Variants in BTD observed in about 807,000 individuals in gnomAD.
BTD encodes the protein biotinidase, also known as biocytinase.
In BTD, 13 loss-of-function variants were observed where a neutral mutation model predicts 17.7. The observed-to-expected ratio is 0.74, with a 90% CI of 0.48 to 1.17. BTD has a LOEUF of 1.17. BTD is among the 50% of genes most tolerant of loss of function. BTD has a pLI of 0.00. For synonymous variants in BTD, 240 were observed against 245.2 expected, an observed-to-expected ratio of 0.98 and a Z score of 0.20; for missense variants, 674 against 650.4, an observed-to-expected ratio of 1.04 and a Z score of -0.39.
At chr3:15,631,919 G>A (rs2065218717) in intron 1 of BTD, among the ~76,000 whole-genome samples, 2 of 152,172 alleles carry the variant, frequency 1.3e-5, no homozygotes, top group African/African-American at 4.8e-5. Context: ...GACAAATGCA[G>A]GGGGATGTTA....
chr3:15,608,230 G>A (rs1032887552), intron 1 of BTD, among the ~76,000 whole-genome samples: 1 of 152,354 alleles, frequency 6.6e-6, no homozygotes, highest in East Asian at 1.9e-4. Context: ...TGGAACTGGA[G>A]AAGGGAGTGC....
At chr3:15,628,153 C>T (rs1318502751) in intron 1 of BTD, among the ~76,000 whole-genome samples, 3 of 152,210 alleles carry the variant, frequency 2.0e-5, no homozygotes, top group Admixed American at 1.3e-4. Flanking sequence ...GAGATGAGCA[C>T]AAGGGTAATG....
chr3:15,655,674 A>G (rs1166482795), downstream of BTD, among the ~76,000 whole-genome samples: 3 of 152,252 alleles, frequency 2.0e-5, no homozygotes, highest in Non-Finnish European at 4.4e-5. Flanking sequence ...AGAGGGGACT[A>G]CATGAGATGA....
At chr3:15,664,797 A>AT (rs533617837) in intron 3 of BTD, among the ~76,000 whole-genome samples, 5 of 152,236 alleles carry the variant, frequency 3.3e-5, no homozygotes, top group Admixed American at 1.3e-4. Flanking sequence ...TTAAATTACT[A>AT]TTTTTTTCAA....
intron 2 of BTD, among the ~76,000 whole-genome samples, chr3:15,640,041 T>C (rs549730796): frequency 6.6e-6 from 1 of 152,006 alleles, no homozygotes; most frequent in South Asian, 2.1e-4. Context: ...GAGGCGGAGA[T>C]TGCAGTGAGC....
rs2125817545 is a variant in BTD at position 15,689,863 on chromosome 3, T to C, written c.400-20197T>C. 3.1e-6 allele frequency: 2 copies of C among 647,470 alleles called. 1 individual carries two copies. Among genetic ancestry groups the C allele is most frequent in the Middle Eastern group, 8.6e-4 (2 of 2,336 alleles). 40.1% of individuals were successfully genotyped at this position (647,470 alleles called of 1,614,324 possible). On this transcript the variant is annotated intron_variant, in intron 3 of 3. Coordinates refer to the BTD transcript ENST00000672141. ...GGCTTTGTAAATTCATTTGTGTGAA[T>C]AAAGTTATTTGGTGAGGTCAAATAA...
At chr3:15,630,940 C>T (rs1423125836) in intron 1 of BTD, among the ~76,000 whole-genome samples, 1 of 152,078 alleles carries the variant, frequency 6.6e-6, no homozygotes, top group African/African-American at 2.4e-5. Flanking sequence ...GACCAGCACA[C>T]TCAGATGTGA....
intron 3 of BTD, chr3:15,689,914 A>G: frequency 9.3e-7 from 1 of 1,076,606 alleles, no homozygotes; most frequent in Non-Finnish European, 1.3e-6. Flanking sequence ...AAAAAAAAAA[A>G]GGTCAAAATT....
exon 4 of BTD, among the ~76,000 whole-genome samples, chr3:15,711,844 G>C (rs1049113126): frequency 2.0e-5 from 3 of 146,622 alleles, no homozygotes; most frequent in African/African-American, 7.3e-5. Context: ...TCACCACCAC[G>C]CCCAGCTAAT....
chr3:15,664,727 T>TA (rs35203239), intron 3 of BTD, among the ~76,000 whole-genome samples: 69,578 of 151,686 alleles, frequency 0.46, 18,753 homozygotes, highest in Non-Finnish European at 0.6. Flanking sequence ...TGAAGGGATT[T>TA]AAAAAAAAGA....
At chr3:15,675,099 G>T (rs1051069306) in intron 3 of BTD, among the ~76,000 whole-genome samples, 1 of 152,050 alleles carries the variant, frequency 6.6e-6, no homozygotes, top group East Asian at 1.9e-4. Flanking sequence ...GTGAAACTCC[G>T]TCTCTACTAA....
At chr3:15,623,841 C>T (rs765310825) in intron 1 of BTD, among the ~76,000 whole-genome samples, 6 of 152,220 alleles carry the variant, frequency 3.9e-5, no homozygotes, top group African/African-American at 7.2e-5. Flanking sequence ...GCCCTTCTGC[C>T]GTGATTCTAA....
rs118005050 is a variant in BTD, at chr3:15,700,304, G to A, written c.400-9756G>A. Among the ~76,000 whole-genome samples the A allele has an allele frequency of 3.0e-3, 464 of 152,224 alleles. 14 individuals are homozygous for A. In the East Asian group the frequency reaches 0.081, roughly 27 times the overall value. On this transcript the variant is annotated intron_variant, in intron 3 of 3. Transcript: ENST00000672141. The stretch of plus-strand genomic sequence containing the variant: ...ATACACCGGGGCCTGTCCGGGGTGG[G>A]GGCCTGGGGGAGGGATAGCATTAGG...
intron 3 of BTD, among the ~76,000 whole-genome samples, chr3:15,680,951 G>A (rs1008903528): frequency 3.3e-5 from 5 of 152,158 alleles, no homozygotes; most frequent in African/African-American, 4.8e-5. Context: ...ACAGGCATAA[G>A]CCACCACGGC....
At chr3:15,621,219 A>C (rs1048024268) in intron 1 of BTD, among the ~76,000 whole-genome samples, 4 of 152,214 alleles carry the variant, frequency 2.6e-5, no homozygotes, top group African/African-American at 7.2e-5. Flanking sequence ...AAGCACATCC[A>C]AAAGTAACAT....
chr3:15,713,612 C>G (rs958315628), downstream of BTD: 1 of 1,608,700 alleles, frequency 6.2e-7, no homozygotes, highest in African/African-American at 1.3e-5. Flanking sequence ...GGGGTATTTC[C>G]ATTCTTATCC....
intron 2 of BTD, among the ~76,000 whole-genome samples, chr3:15,640,906 A>G (rs1358067754): frequency 6.6e-6 from 1 of 152,208 alleles, no homozygotes; most frequent in East Asian, 1.9e-4. Flanking sequence ...ATAACCAGGA[A>G]AAAAATTTAA....
intron 1 of BTD, chr3:15,631,350 A>C (rs1405967741): frequency 2.0e-6 from 2 of 990,352 alleles, no homozygotes; most frequent in Admixed American, 2.8e-5. Flanking sequence ...TTATCTTTTA[A>C]AGATTTTTTA....
At chr3:15,640,817 A>G (rs897372528) in intron 2 of BTD, among the ~76,000 whole-genome samples, 1 of 150,688 alleles carries the variant, frequency 6.6e-6, no homozygotes, top group African/African-American at 2.5e-5. Flanking sequence ...AAATATTAAC[A>G]ATAAGTATCT....
Sources: allele counts gnomAD v4.1 joint callset (sites outside exome capture counted in the v4.1 genomes callset), GRCh38; gene constraint gnomAD v4.1.1; transcripts MANE v1.5; gene names NCBI Gene and HGNC (gene_info 2026-07-23, HGNC 2026-07-21).